The following CD226 variants were observed in gnomAD, a reference collection of about 807,000 sequenced individuals.
The protein encoded by CD226 is CD226 antigen.
In CD226, 24 loss-of-function variants were observed where a neutral mutation model predicts 34.9. The ratio of observed to expected loss-of-function variants is 0.69; its 90% CI spans 0.50 to 0.97. The LOEUF is 0.97. CD226 is among the 50% of genes least tolerant of loss of function. CD226 has a pLI of 0.00. For synonymous variants in CD226, 148 were observed against 147.4 expected (o/e 1.00, Z -0.03); for missense variants, 397 against 412.7 (o/e 0.96, Z 0.33).
At chr18:69,924,120 AC>A (rs1268824621) in intron 2 of CD226, among the ~76,000 whole-genome samples, 1 of 151,930 alleles carries the variant, frequency 6.6e-6, no homozygotes, top group Non-Finnish European at 1.5e-5. Flanking sequence ...CTTGAATTAT[AC>A]CATAGACCAC....
At position 69,895,925 on chromosome 18, in the gene CD226, A is replaced by C; in HGVS notation, c.503T>G (p.Ile168Ser). 1 of 1,614,134 alleles carries C rather than the reference A, an allele frequency of 6.2e-7. No individual in the cohort carries two copies. ...TAAGAGGTCGATCTGACGGGGCTGGATCTTTTCCCACCTCACTGCCTGCAC... is the reference window on the plus strand; with the variant it reads ...TAAGAGGTCGATCTGACGGGGCTGGCTCTTTTCCCACCTCACTGCCTGCAC... ...WPVQAVRWEK[I>S]QPRQIDLLTY... The change falls in exon 3 of 6, where the codon ATC becomes AGC. Residue 168 changes from isoleucine to serine, a missense_variant. By Grantham distance (142) the Ile-to-Ser change is moderately radical. Coordinates refer to ENST00000582621, the MANE Select transcript of CD226 (RefSeq NM_001303618.2).
rs947508653 is a variant in CD226 at position 69,861,801 on chromosome 18, A to G, written c.*2513T>C. On this transcript the variant is annotated 3_prime_UTR_variant, in exon 6 of 6. Coordinates refer to ENST00000582621, the MANE Select transcript of CD226 (RefSeq NM_001303618.2). Reference sequence around the variant, plus strand: ...TAAGAATGATGTTAAAAAGATGACAATGAAAGTGCTTTGGTAAGTAAAGAT... The same window carrying G: ...TAAGAATGATGTTAAAAAGATGACAGTGAAAGTGCTTTGGTAAGTAAAGAT... The G allele has an allele frequency of 6.6e-6, 1 of 151,976 alleles. No individual in the cohort carries two copies. The highest frequency in any genetic ancestry group is 6.6e-5 in the Admixed American group (1 of 15,236). 9.4% of individuals were successfully genotyped at this position (151,976 alleles called of 1,614,324 possible).
chr18:69,921,490 G>T (rs1877489527), intron 2 of CD226, among the ~76,000 whole-genome samples: 1 of 152,144 alleles, frequency 6.6e-6, no homozygotes, highest in African/African-American at 2.4e-5. Flanking sequence ...CTCCACAGAA[G>T]GAATGACTTC....
At chr18:69,895,267 T>C (rs2145243177) in intron 3 of CD226, among the ~76,000 whole-genome samples, 1 of 152,340 alleles carries the variant, frequency 6.6e-6, no homozygotes, top group Non-Finnish European at 1.5e-5. Flanking sequence ...TGAAATGCAC[T>C]CAACGCAGCC....
chr18:69,897,319 A>C (rs2145250098), intron 2 of CD226, among the ~76,000 whole-genome samples: 1 of 152,362 alleles, frequency 6.6e-6, no homozygotes. Flanking sequence ...AAGTTTGGGA[A>C]CCCGATCTAA....
chr18:69,907,457 A>C (rs1257125083), intron 2 of CD226, among the ~76,000 whole-genome samples: 3 of 152,098 alleles, frequency 2.0e-5, no homozygotes, highest in Non-Finnish European at 4.4e-5. Context: ...ACAGGCACAC[A>C]CCACCATGCC....
chr18:69,874,495 A>G (rs538150093), intron 3 of CD226, among the ~76,000 whole-genome samples: 2 of 152,246 alleles, frequency 1.3e-5, no homozygotes, highest in African/African-American at 2.4e-5. Context: ...TCACCCCACC[A>G]TTAGGATGAT....
chr18:69,946,857 C>T lies in CD226; in HGVS notation c.259G>A (p.Ala87Thr), dbSNP rs779418816. 1 of 1,614,100 alleles carries T rather than the reference C, an allele frequency of 6.2e-7. No individual in the cohort carries two copies. The highest frequency in any genetic ancestry group is 1.7e-5 in the Admixed American group (1 of 60,012). ...AAGAAAAGAGTCATGTTATTGGAAG[C>T]CATCGTTGAATTCAAAAAGTAAACC... ...ERVYFLNSTM[A>T]SNNMTLFFRN... Residue 87 changes from alanine (A) to threonine (T), a missense_variant, in exon 2 of 6, where the codon GCT (alanine) becomes ACT (threonine). By Grantham distance (58) the Ala-to-Thr change is moderately conservative (BLOSUM62 0). Coordinates refer to ENST00000582621, the MANE Select transcript of CD226 (RefSeq NM_001303618.2).
At chr18:69,910,754 G>A (rs1245322310) in intron 2 of CD226, among the ~76,000 whole-genome samples, 2 of 152,152 alleles carry the variant, frequency 1.3e-5, no homozygotes, top group East Asian at 1.9e-4. Flanking sequence ...TGGATAAGGG[G>A]TATATGGAAA....
intron 2 of CD226, chr18:69,896,298 C>A: frequency 3.3e-6 from 1 of 305,744 alleles, no homozygotes; most frequent in Non-Finnish European, 4.8e-6. Flanking sequence ...TCTCCTGCCT[C>A]AGCCTCCTGA....
chr18:69,902,172 G>A (rs867979466), intron 2 of CD226, among the ~76,000 whole-genome samples: 8 of 152,224 alleles, frequency 5.3e-5, no homozygotes, highest in African/African-American at 1.7e-4. Flanking sequence ...ACTCTCTCCT[G>A]TATCTTTAAC....
At chr18:69,889,431 A>G (rs969354409) in intron 3 of CD226, among the ~76,000 whole-genome samples, 3 of 151,846 alleles carry the variant, frequency 2.0e-5, no homozygotes, top group Non-Finnish European at 4.4e-5. Context: ...CACAAGCTTT[A>G]TATCTATTCT....
intron 2 of CD226, among the ~76,000 whole-genome samples, chr18:69,913,290 C>A (rs547668971): frequency 1.3e-5 from 2 of 152,174 alleles, no homozygotes; most frequent in South Asian, 4.2e-4. Flanking sequence ...GAAAATAGAT[C>A]GCCAGAGCTC....
intron 2 of CD226, among the ~76,000 whole-genome samples, chr18:69,940,566 T>TTTTTCC (rs1888904029): frequency 7.6e-6 from 1 of 131,900 alleles, no homozygotes. Flanking sequence ...GGAAATGGAG[T>TTTTTCC]AAAGGTCACT....
At chr18:69,903,354 C>T (rs1334782008) in intron 2 of CD226, among the ~76,000 whole-genome samples, 3 of 152,272 alleles carry the variant, frequency 2.0e-5, no homozygotes, top group South Asian at 4.2e-4. Context: ...CAAGCTCCTG[C>T]CTACACTGTA....
chr18:69,889,158 T>C (rs1984736677), intron 3 of CD226, among the ~76,000 whole-genome samples: 1 of 152,126 alleles, frequency 6.6e-6, no homozygotes, highest in Non-Finnish European at 1.5e-5. Flanking sequence ...ATGTTTCATC[T>C]GGATACCCAG....
At chr18:69,898,434 C>T (rs946399640) in intron 2 of CD226, among the ~76,000 whole-genome samples, 8 of 152,184 alleles carry the variant, frequency 5.3e-5, no homozygotes, top group Admixed American at 3.3e-4. Context: ...CAGGTAGAAA[C>T]AGGGGTCTAC....
At chr18:69,917,585 T>A (rs12954706) in intron 2 of CD226, among the ~76,000 whole-genome samples, 18 of 152,226 alleles carry the variant, frequency 1.2e-4, no homozygotes, top group African/African-American at 3.9e-4. Flanking sequence ...TTGACTTTTT[T>A]AAAAATAAAG....
chr18:69,900,292 G>A (rs2055158765), intron 2 of CD226, among the ~76,000 whole-genome samples: 2 of 152,064 alleles, frequency 1.3e-5, no homozygotes, highest in South Asian at 4.1e-4. Flanking sequence ...AGCGGAGGGT[G>A]GGAGGAGGGA....
Sources: allele counts gnomAD v4.1 joint callset (sites outside exome capture counted in the v4.1 genomes callset), GRCh38; gene constraint gnomAD v4.1.1; transcripts MANE v1.5; gene names NCBI Gene and HGNC (gene_info 2026-07-23, HGNC 2026-07-21).